The following RPA3 variants were observed in gnomAD, a reference collection of about 807,000 sequenced individuals.
RPA3 encodes the protein replication protein A 14 kDa subunit.
RPA3 carries 24 observed loss-of-function variants against 13.7 expected under a neutral mutation model. The observed-to-expected ratio is 1.75, with a 90% confidence interval of 1.27 to 2.46. The LOEUF is 2.46. Among genes scored for constraint, RPA3 ranks in the 30% most tolerant of loss-of-function variants. The pLI, the probability that RPA3 is intolerant of heterozygous loss-of-function variation, is 0.00. For synonymous variants in RPA3, 59 were observed against 51.2 expected (o/e 1.15, Z -0.65); for missense variants, 183 against 151.0 (o/e 1.21, Z -1.11).
chr7:7,697,167 T>G (rs917255484), intron 2 of RPA3, among the ~76,000 whole-genome samples: 1 of 152,184 alleles, frequency 6.6e-6, no homozygotes, highest in Non-Finnish European at 1.5e-5. Context: ...TTGATGATCA[T>G]AATCCACTTC....
intron 2 of RPA3, among the ~76,000 whole-genome samples, chr7:7,712,451 G>A (rs1440333351): frequency 6.6e-6 from 1 of 151,956 alleles, no homozygotes; most frequent in Non-Finnish European, 1.5e-5. Flanking sequence ...TTCTTAGAGT[G>A]CTTTTTTGTT....
intron 4 of RPA3, among the ~76,000 whole-genome samples, chr7:7,678,708 A>G (rs376504379): frequency 0.035 from 2,386 of 68,300 alleles, 76 homozygotes; most frequent in Middle Eastern, 0.05. Flanking sequence ...ATATATTTAT[A>G]TATTTAGTTT....
At chr7:7,670,826 A>C (rs1485883881) in intron 4 of RPA3, among the ~76,000 whole-genome samples, 1 of 152,228 alleles carries the variant, frequency 6.6e-6, no homozygotes, top group Non-Finnish European at 1.5e-5. Context: ...AGAACAGTCA[A>C]AAGTTGTAGC....
chr7:7,694,044 T>G (rs2115141996), intron 2 of RPA3, among the ~76,000 whole-genome samples: 1 of 152,288 alleles, frequency 6.6e-6, no homozygotes, highest in East Asian at 1.9e-4. Context: ...ACTGAGTCAT[T>G]AGACACTTGA....
At chr7:7,671,480 T>C (rs972201610) in intron 4 of RPA3, among the ~76,000 whole-genome samples, 2 of 152,244 alleles carry the variant, frequency 1.3e-5, no homozygotes, top group African/African-American at 4.8e-5. Flanking sequence ...TAGCTGAGGC[T>C]GAGTTTTAAT....
intron 4 of RPA3, among the ~76,000 whole-genome samples, chr7:7,667,990 C>T (rs1329564998): frequency 1.3e-5 from 2 of 152,140 alleles, no homozygotes; most frequent in East Asian, 1.9e-4. Flanking sequence ...TGCAGTGGCT[C>T]ACTTTCACCC....
At chr7:7,637,125 G>C in intron 7 of RPA3, 43 bp from the exon 8 acceptor site, 1 of 1,277,970 alleles carries the variant, frequency 7.8e-7, no homozygotes, top group Non-Finnish European at 1.1e-6. Context: ...ACAATGGAAA[G>C]TTGTAACATC....
intron 2 of RPA3, among the ~76,000 whole-genome samples, chr7:7,711,401 A>G (rs1458253510): frequency 6.6e-6 from 1 of 152,168 alleles, no homozygotes; most frequent in Non-Finnish European, 1.5e-5. Context: ...TTAGTAAATC[A>G]TGGCAAATTT....
chr7:7,698,397 G>C (rs1306431400), intron 2 of RPA3, among the ~76,000 whole-genome samples: 1 of 152,300 alleles, frequency 6.6e-6, no homozygotes, highest in Non-Finnish European at 1.5e-5. Context: ...ACTGGTAGAA[G>C]TTTTGATTGA....
intron 4 of RPA3, among the ~76,000 whole-genome samples, chr7:7,666,793 C>A (rs1046019624): frequency 6.6e-6 from 1 of 151,754 alleles, no homozygotes; most frequent in African/African-American, 2.4e-5. Flanking sequence ...GTGGTTTGGA[C>A]AGATGAATTT....
At chr7:7,659,291 T>C (rs1270771118) in intron 4 of RPA3, among the ~76,000 whole-genome samples, 1 of 152,086 alleles carries the variant, frequency 6.6e-6, no homozygotes, top group African/African-American at 2.4e-5. Flanking sequence ...GGGTTTTTCA[T>C]GTCTCTATCT....
At chr7:7,647,937 A>G (rs150937492) in intron 4 of RPA3, among the ~76,000 whole-genome samples, 1 of 152,204 alleles carries the variant, frequency 6.6e-6, no homozygotes, top group Non-Finnish European at 1.5e-5. Flanking sequence ...GTTGTTTGCT[A>G]CTATTATAGA....
chr7:7,640,380 G>C lies in RPA3; in HGVS notation c.39C>G (p.Asn13Lys), dbSNP rs1784937836. The change falls in exon 5 of 8, where the codon AAC (asparagine) becomes AAG (lysine). Residue 13 changes from asparagine to lysine, a missense_variant. By Grantham distance (94) the Asn-to-Lys change is moderately conservative. Transcript: ENST00000223129. Reference sequence around the variant, plus strand: ...CGATGAATTGAGCTAGCATGCCGGCGTTGATGCGCGACCTGGGCAAGTCCA... The same window carrying C: ...CGATGAATTGAGCTAGCATGCCGGCCTTGATGCGCGACCTGGGCAAGTCCA... The part of the protein sequence containing the change: ...DMMDLPRSRI[N>K]AGMLAQFIDK... 6.2e-7 allele frequency: 1 copy of C among 1,614,044 alleles called. No individual in the cohort carries two copies. The highest frequency in any genetic ancestry group is 2.2e-5 in the East Asian group (1 of 44,884).
intron 2 of RPA3, among the ~76,000 whole-genome samples, chr7:7,690,305 C>T (rs991662368): frequency 1.3e-5 from 2 of 151,732 alleles, no homozygotes; most frequent in Non-Finnish European, 2.9e-5. Context: ...CATGGAAGTT[C>T]AGGAGAAAAA....
At chr7:7,683,162 A>T (rs1779953995) in intron 4 of RPA3, among the ~76,000 whole-genome samples, 1 of 152,106 alleles carries the variant, frequency 6.6e-6, no homozygotes, top group African/African-American at 2.4e-5. Flanking sequence ...AAAGTCATTC[A>T]TTTTTTTCGG....
At chr7:7,679,638 A>T (rs7798101) in intron 4 of RPA3, among the ~76,000 whole-genome samples, 1 of 72,656 alleles carries the variant, frequency 1.4e-5, no homozygotes, top group Non-Finnish European at 2.5e-5. Context: ...TATATATTTA[A>T]TTTATAGATA....
At chr7:7,715,623 T>C (rs1780882038) in intron 1 of RPA3, among the ~76,000 whole-genome samples, 2 of 152,292 alleles carry the variant, frequency 1.3e-5, no homozygotes. Context: ...AGTTTTTCAA[T>C]AGCAATTATT....
chr7:7,674,317 A>G (rs1000333325), intron 4 of RPA3, among the ~76,000 whole-genome samples: 2 of 152,172 alleles, frequency 1.3e-5, no homozygotes, highest in Admixed American at 1.3e-4. Flanking sequence ...TCAGACTGGC[A>G]TCTGCTAGCA....
intron 2 of RPA3, among the ~76,000 whole-genome samples, chr7:7,687,996 A>G (rs1780080089): frequency 6.6e-6 from 1 of 152,204 alleles, no homozygotes; most frequent in African/African-American, 2.4e-5. Flanking sequence ...GGATGGCTTG[A>G]AGAAGTTGAT....
Sources: allele counts gnomAD v4.1 joint callset (sites outside exome capture counted in the v4.1 genomes callset), GRCh38; gene constraint gnomAD v4.1.1; transcripts MANE v1.5; gene names NCBI Gene and HGNC (gene_info 2026-07-23, HGNC 2026-07-21).